HS6ST3: variants seen among roughly 807,000 people sequenced by gnomAD.
HS6ST3 encodes heparan-sulfate 6-O-sulfotransferase 3.
In HS6ST3, 12 loss-of-function variants were observed where a neutral mutation model predicts 36.7. That is an observed-to-expected ratio of 0.33 (90% CI 0.21 to 0.53). HS6ST3 has a LOEUF of 0.53. Among genes scored for constraint, HS6ST3 ranks in the 20% least tolerant of loss-of-function variants. HS6ST3 has a pLI of 0.95. For synonymous variants in HS6ST3, 240 were observed against 257.5 expected (o/e 0.93, Z 0.65); for missense variants, 584 against 640.9 (o/e 0.91, Z 0.96).
Position 96,090,973 on chromosome 13 carries a change from CG to C in HS6ST3, c.115del (p.Glu39SerfsTer93). 2 of 1,405,374 alleles carry C rather than the reference CG, an allele frequency of 1.4e-6. No homozygotes were observed. The highest frequency in any genetic ancestry group is 1.9e-6 in the Non-Finnish European group (2 of 1,068,836). 87.1% of individuals were successfully genotyped at this position (1,405,374 alleles called of 1,614,324 possible). On this transcript the variant is annotated frameshift_variant, in exon 1 of 2. Transcript: ENST00000376705. LOFTEE classifies it high-confidence loss of function. ...CCTGCACCAGCTCCTGCACCAACTT[CG>C]GGGAGCAGCCCCGCGCGGGGGAGGC... ...PSCTSSCTNF[G>X]EQPRAGEAGP... is the part of the protein sequence containing the mutation.
chr13:96,499,807 G>T (rs2138912057), intron 1 of HS6ST3, among the ~76,000 whole-genome samples: 2 of 152,234 alleles, frequency 1.3e-5, no homozygotes, highest in Admixed American at 1.3e-4. Flanking sequence ...GGGTGGGAGG[G>T]TGCATTGCAT....
chr13:96,801,741 G>A (rs1205531397), intron 1 of HS6ST3, among the ~76,000 whole-genome samples: 2 of 152,020 alleles, frequency 1.3e-5, no homozygotes, highest in East Asian at 3.9e-4. Context: ...CTACATAAAC[G>A]TGCAATCTTA....
chr13:96,698,099 G>T (rs894158208), intron 1 of HS6ST3, among the ~76,000 whole-genome samples: 1 of 151,944 alleles, frequency 6.6e-6, no homozygotes, highest in Non-Finnish European at 1.5e-5. Context: ...CAACGTGCAG[G>T]TTTGTTACAT....
intron 1 of HS6ST3, among the ~76,000 whole-genome samples, chr13:96,546,021 G>C (rs1002941956): frequency 6.6e-6 from 1 of 152,146 alleles, no homozygotes; most frequent in African/African-American, 2.4e-5. Context: ...AATCATAAAT[G>C]GAAGGGTGAA....
At chr13:96,616,038 T>G (rs1278989337) in intron 1 of HS6ST3, among the ~76,000 whole-genome samples, 2 of 152,240 alleles carry the variant, frequency 1.3e-5, no homozygotes, top group Non-Finnish European at 2.9e-5. Flanking sequence ...CCAGGAAAAG[T>G]GTTTTTCTAT....
chr13:96,235,923 G>C (rs553391037), intron 1 of HS6ST3, among the ~76,000 whole-genome samples: 300 of 152,230 alleles, frequency 2.0e-3, no homozygotes, highest in African/African-American at 6.7e-3. Flanking sequence ...CCCACAATAG[G>C]CCATCTGCAA....
intron 1 of HS6ST3, among the ~76,000 whole-genome samples, chr13:96,443,184 T>C (rs1375333831): frequency 6.6e-6 from 1 of 151,600 alleles, no homozygotes; most frequent in African/African-American, 2.4e-5. Flanking sequence ...ATTTGAAAAA[T>C]GATTTTTTTT....
At chr13:96,367,994 A>G (rs1391968364) in intron 1 of HS6ST3, among the ~76,000 whole-genome samples, 2 of 152,224 alleles carry the variant, frequency 1.3e-5, no homozygotes, top group East Asian at 1.9e-4. Flanking sequence ...TACGAAGTCG[A>G]AGAAAGTGCA....
At chr13:96,631,178 A>G (rs554261400) in intron 1 of HS6ST3, among the ~76,000 whole-genome samples, 3 of 152,270 alleles carry the variant, frequency 2.0e-5, no homozygotes, top group African/African-American at 7.2e-5. Flanking sequence ...CCTTGGTTTC[A>G]AGCACAGGGT....
intron 1 of HS6ST3, among the ~76,000 whole-genome samples, chr13:96,383,163 G>A (rs909699868): frequency 6.6e-6 from 1 of 151,394 alleles, no homozygotes; most frequent in Admixed American, 6.6e-5. Context: ...GGTAAAAGTG[G>A]GAGAGAGGCT....
At chr13:96,450,017 C>T (rs538685826) in intron 1 of HS6ST3, among the ~76,000 whole-genome samples, 112 of 152,158 alleles carry the variant, frequency 7.4e-4, no homozygotes, top group African/African-American at 2.5e-3. Flanking sequence ...AAAGAGCAGC[C>T]CCAGGTTGGA....
intron 1 of HS6ST3, among the ~76,000 whole-genome samples, chr13:96,391,359 G>A (rs748508818): frequency 2.0e-5 from 3 of 152,128 alleles, no homozygotes; most frequent in Admixed American, 6.5e-5. Context: ...TGCATACTAA[G>A]ATTTATTTGA....
At chr13:96,246,607 C>A (rs1172461137) in intron 1 of HS6ST3, among the ~76,000 whole-genome samples, 1 of 152,134 alleles carries the variant, frequency 6.6e-6, no homozygotes, top group Non-Finnish European at 1.5e-5. Context: ...GCCAGAGAAA[C>A]TGCCCTGGTA....
intron 1 of HS6ST3, among the ~76,000 whole-genome samples, chr13:96,355,391 ACAC>A (rs2055204897): frequency 6.9e-6 from 1 of 144,690 alleles, no homozygotes; most frequent in Admixed American, 6.7e-5. Context: ...ACACACACAC[ACAC>A]ACACACACAA....
chr13:96,292,613 C>T (rs377145172), intron 1 of HS6ST3, among the ~76,000 whole-genome samples: 1 of 151,400 alleles, frequency 6.6e-6, no homozygotes, highest in African/African-American at 2.4e-5. Context: ...GCTAAATAAA[C>T]AGTAGGTTGA....
At chr13:96,497,003 G>A (rs1194513384) in intron 1 of HS6ST3, among the ~76,000 whole-genome samples, 1 of 152,148 alleles carries the variant, frequency 6.6e-6, no homozygotes, top group African/African-American at 2.4e-5. Context: ...ACCTTGTCTG[G>A]TGGGAATACC....
intron 1 of HS6ST3, among the ~76,000 whole-genome samples, chr13:96,327,786 A>C (rs1288863779): frequency 6.6e-6 from 1 of 151,852 alleles, no homozygotes; most frequent in African/African-American, 2.4e-5. Context: ...GGCCATTTTC[A>C]CGATATTGAT....
intron 1 of HS6ST3, among the ~76,000 whole-genome samples, chr13:96,612,832 G>A (rs1229150363): frequency 3.9e-5 from 6 of 152,210 alleles, no homozygotes; most frequent in African/African-American, 1.4e-4. Flanking sequence ...CTTGTGTGAC[G>A]TGTCCCTCTG....
At chr13:96,697,063 T>C (rs983708534) in intron 1 of HS6ST3, among the ~76,000 whole-genome samples, 2 of 152,090 alleles carry the variant, frequency 1.3e-5, no homozygotes, top group Non-Finnish European at 1.5e-5. Context: ...ATAACTATTA[T>C]ATTCAGGGAG....
Sources: allele counts gnomAD v4.1 joint callset (sites outside exome capture counted in the v4.1 genomes callset), GRCh38; gene constraint gnomAD v4.1.1; transcripts MANE v1.5; gene names NCBI Gene and HGNC (gene_info 2026-07-23, HGNC 2026-07-21).